KLHL32: variants seen among roughly 807,000 people sequenced by gnomAD.
KLHL32 encodes the protein kelch like family member 32, also known as kelch-like protein 32.
A neutral mutation model predicts 64.8 loss-of-function variants in KLHL32; 35 were observed. The observed-to-expected ratio is 0.54, with a 90% CI of 0.41 to 0.72. The LOEUF (loss-of-function observed/expected upper bound fraction) is 0.72. Among genes scored for constraint, KLHL32 ranks in the 30% least tolerant of loss-of-function variants. The pLI, the probability that KLHL32 is intolerant of heterozygous loss-of-function variation, is 0.00. For synonymous variants in KLHL32, 259 were observed against 281.0 expected (o/e 0.92, Z 0.78); for missense variants, 589 against 768.5 (o/e 0.77, Z 2.76).
chr6:97,055,796 T>TAAAACAAAAAAAAAAAAAAAAAAAA (rs1787719286), intron 4 of KLHL32, among the ~76,000 whole-genome samples: 1 of 81,032 alleles, frequency 1.2e-5, no homozygotes, highest in Non-Finnish European at 2.7e-5. Context: ...AGAACCTGTC[T>TAAAACAAAAAAAAAAAAAAAAAAAA]AAAAAAAAAA....
chr6:97,131,747 G>A (rs1799465138), intron 9 of KLHL32, among the ~76,000 whole-genome samples: 1 of 152,180 alleles, frequency 6.6e-6, no homozygotes, highest in South Asian at 2.1e-4. Flanking sequence ...CTGCTGCTGG[G>A]GGAGGCAACG....
chr6:96,981,544 A>G (rs1463796387), intron 3 of KLHL32, among the ~76,000 whole-genome samples: 1 of 151,868 alleles, frequency 6.6e-6, no homozygotes, highest in African/African-American at 2.4e-5. Flanking sequence ...TAGAATCTCA[A>G]TTTCCTTCAG....
At chr6:97,012,129 C>G (rs1210127549) in intron 3 of KLHL32, among the ~76,000 whole-genome samples, 1 of 152,150 alleles carries the variant, frequency 6.6e-6, no homozygotes, top group African/African-American at 2.4e-5. Flanking sequence ...CTGAGTACTC[C>G]CTGTTCATGT....
At chr6:97,111,541 C>T (rs1377096280) in intron 6 of KLHL32, among the ~76,000 whole-genome samples, 2 of 152,206 alleles carry the variant, frequency 1.3e-5, no homozygotes, top group African/African-American at 4.8e-5. Flanking sequence ...CTTTTGGGCA[C>T]TGGCAGGAGC....
At chr6:96,916,997 T>C in the KLHL32 span, among the ~76,000 whole-genome samples, 1 of 152,206 alleles carries the variant, frequency 6.6e-6, no homozygotes. Context: ...GAACCCTTTC[T>C]AGAGTCAAAA....
chr6:96,921,344 C>T (rs1399517963), upstream of KLHL32, among the ~76,000 whole-genome samples: 1 of 152,174 alleles, frequency 6.6e-6, no homozygotes. Context: ...AATAGTTTAA[C>T]AGTAAAAAGT....
At chr6:96,928,799 G>A (rs1203829043) in intron 1 of KLHL32, among the ~76,000 whole-genome samples, 1 of 152,202 alleles carries the variant, frequency 6.6e-6, no homozygotes, top group Non-Finnish European at 1.5e-5. Flanking sequence ...GATAAAAGAT[G>A]TAATCGTTTT....
In KLHL32 at chr6:97,140,327, T is replaced by C. The variant is rs548033355; in HGVS notation, c.*1045T>C. On this transcript the variant is annotated 3_prime_UTR_variant, in exon 11 of 11. Coordinates refer to ENST00000369261, the MANE Select transcript of KLHL32 (RefSeq NM_052904.4). ...ACTAATTATGGTACCATAAAGTGCTTTGACATAAATTTGAACCTAGAATTG... is the reference window on the plus strand; with the variant it reads ...ACTAATTATGGTACCATAAAGTGCTCTGACATAAATTTGAACCTAGAATTG... 1.6e-4 allele frequency: 24 copies of C among 152,228 alleles called. No individual in the cohort carries two copies. In the South Asian group the frequency reaches 1.7e-3, roughly 11 times the overall value. 9.4% of individuals were successfully genotyped at this position (152,228 alleles called of 1,614,324 possible).
chr6:97,028,358 GC>G (rs1299549903), intron 3 of KLHL32, among the ~76,000 whole-genome samples: 1 of 152,080 alleles, frequency 6.6e-6, no homozygotes, highest in Non-Finnish European at 1.5e-5. Flanking sequence ...GTTTAGTCTT[GC>G]TTCTTACACA....
intron 3 of KLHL32, among the ~76,000 whole-genome samples, chr6:97,037,859 A>G (rs749374606): frequency 4.8e-4 from 73 of 152,208 alleles, no homozygotes; most frequent in African/African-American, 1.6e-3. Context: ...GAACCCAAAT[A>G]TAAGTCCACA....
intron 1 of KLHL32, among the ~76,000 whole-genome samples, chr6:96,931,160 T>A (rs1414294947): frequency 1.3e-5 from 2 of 152,218 alleles, no homozygotes; most frequent in Non-Finnish European, 2.9e-5. Flanking sequence ...TCAAGTCAGA[T>A]AGGATTAAAA....
chr6:96,942,651 T>TGGGG (rs201366219), intron 1 of KLHL32, among the ~76,000 whole-genome samples: 4 of 97,626 alleles, frequency 4.1e-5, no homozygotes, highest in African/African-American at 1.7e-4. Context: ...GCTACAGCTG[T>TGGGG]GGGGTGTGTG....
At chr6:96,947,912 A>T (rs1772115041) in intron 1 of KLHL32, among the ~76,000 whole-genome samples, 1 of 152,138 alleles carries the variant, frequency 6.6e-6, no homozygotes, top group Non-Finnish European at 1.5e-5. Context: ...TGTCAAAAGG[A>T]TACTACACAG....
chr6:97,038,311 A>T (rs1737639), intron 3 of KLHL32, among the ~76,000 whole-genome samples: 16,132 of 151,846 alleles, frequency 0.11, 890 homozygotes, highest in Non-Finnish European at 0.12. Context: ...TAAGAAACTC[A>T]AACAGTTCAC....
chr6:97,123,110 A>AT (rs924051997), intron 7 of KLHL32, among the ~76,000 whole-genome samples: 12 of 152,130 alleles, frequency 7.9e-5, no homozygotes, highest in Admixed American at 5.9e-4. Context: ...CAACAGAGGT[A>AT]TTTTTTGTCG....
chr6:97,106,084 C>A (rs1796370357), intron 6 of KLHL32, among the ~76,000 whole-genome samples: 1 of 152,124 alleles, frequency 6.6e-6, no homozygotes, highest in Non-Finnish European at 1.5e-5. Context: ...ACATCCACTT[C>A]TTTAAAAGAA....
chr6:97,052,421 C>T (rs117719946), intron 4 of KLHL32, among the ~76,000 whole-genome samples: 5,536 of 152,270 alleles, frequency 0.036, 140 homozygotes, highest in Middle Eastern at 0.066. Flanking sequence ...TTTTTATGGG[C>T]GTAGCATTCC....
chr6:96,960,457 A>T (rs1205901992), intron 1 of KLHL32, among the ~76,000 whole-genome samples: 1 of 152,196 alleles, frequency 6.6e-6, no homozygotes, highest in Non-Finnish European at 1.5e-5. Flanking sequence ...GGGCTCCCAC[A>T]TGTATTTATG....
In KLHL32 at chr6:97,132,732, T is replaced by C. The variant is rs1265618677; in HGVS notation, c.1686T>C (p.Pro562=). 1.2e-6 allele frequency: 2 copies of C among 1,611,992 alleles called. No individual in the cohort carries two copies. The highest frequency in any genetic ancestry group is 1.1e-5 in the South Asian group (1 of 90,816). Residue 562 remains proline (P), a synonymous_variant, in exon 10 of 11, where the codon CCT becomes CCC. Coordinates refer to ENST00000369261, the MANE Select transcript of KLHL32 (RefSeq NM_052904.4). The part of the protein sequence containing the change: ...VGGYSIWTNE[P]LACIQVLDVS... ...GATATTCAATTTGGACAAATGAGCC[T>C]CTGGCTTGTATCCAGGTGAGTGGTA...
Sources: gnomAD v4.1 joint callset for allele counts (sites outside exome capture counted in the v4.1 genomes callset) on GRCh38, gnomAD v4.1.1 for gene constraint, MANE v1.5 for transcripts, NCBI Gene and HGNC (gene_info 2026-07-23, HGNC 2026-07-21) for gene names.